The following FAM83F variants were observed in gnomAD, a reference collection of about 807,000 sequenced individuals.
FAM83F encodes protein FAM83F.
In FAM83F, 45 loss-of-function variants were observed where a neutral mutation model predicts 42.9. The observed-to-expected ratio is 1.05, with a 90% CI of 0.83 to 1.35. The LOEUF (loss-of-function observed/expected upper bound fraction) is 1.35, where lower values mean the gene tolerates loss of function less well. Ranked by LOEUF, FAM83F falls within the 40% of genes most tolerant of loss-of-function variation. FAM83F has a pLI of 0.00. For missense variants in FAM83F, 617 were observed against 695.9 expected, an observed-to-expected ratio of 0.89 and a Z score of 1.28; for synonymous variants, 306 against 298.3, an observed-to-expected ratio of 1.03 and a Z score of -0.27.
At chr22:40,017,360 G>A (rs554775741) in intron 1 of FAM83F, among the ~76,000 whole-genome samples, 1 of 151,476 alleles carries the variant, frequency 6.6e-6, no homozygotes, top group South Asian at 2.1e-4. Flanking sequence ...AGCCTCCCCA[G>A]GAGCTGGGAT....
chr22:40,002,293 A>T (rs2067406600), intron 1 of FAM83F, among the ~76,000 whole-genome samples: 1 of 152,210 alleles, frequency 6.6e-6, no homozygotes. Context: ...TAAAGCTTTC[A>T]TTGGAACAAG....
intron 1 of FAM83F, among the ~76,000 whole-genome samples, chr22:39,997,729 C>T (rs184510414): frequency 6.6e-6 from 1 of 152,122 alleles, no homozygotes; most frequent in Middle Eastern, 3.2e-3. Flanking sequence ...AAAGAGCTGT[C>T]GTGGGGGGAG....
intron 4 of FAM83F, 67 bp from the exon 5 acceptor site, chr22:40,029,449 A>T: frequency 6.4e-7 from 1 of 1,554,638 alleles, no homozygotes; most frequent in Non-Finnish European, 8.7e-7. Context: ...ACAGGGTAGG[A>T]ACTGAAGCTG....
rs1275199876 is a variant in FAM83F at position 39,995,876 on chromosome 22, TTGA to T, written c.489+350_489+352del. Among the ~76,000 whole-genome samples, 2 of 152,208 alleles carry T rather than the reference TTGA, an allele frequency of 1.3e-5. No homozygotes were observed. The highest frequency in any genetic ancestry group is 4.8e-5 in the African/African-American group (2 of 41,450). On this transcript the variant is annotated intron_variant, in intron 1 of 4. Transcript: ENST00000333407. The surrounding 1 kb of genome is among the most constrained non-coding windows in gnomAD (Gnocchi z 4.6). The stretch of plus-strand genomic sequence containing the variant: ...GGTTAAAATGCACCACTCAAAGGTC[TTGA>T]TGATAACCTACGTGCTGCCCAGAAC...
chr22:40,021,923 G>T lies in FAM83F; in HGVS notation c.1413G>T (p.Thr471=). The T allele has an allele frequency of 6.3e-7, 1 of 1,581,590 alleles. No homozygotes were observed. Among genetic ancestry groups the T allele is most frequent in the Non-Finnish European group, 8.6e-7 (1 of 1,162,570 alleles). ...AGACCTCTGAAGTGGAGTTTCTGAC[G>T]GGGAAGAGGCCCAACGAGAATTCCA... ...STETSEVEFL[T]GKRPNENSSA... Residue 471 remains threonine (T), a synonymous_variant, in exon 4 of 5, where the codon ACG becomes ACT. Coordinates refer to ENST00000333407, the MANE Select transcript of FAM83F (RefSeq NM_138435.4). The surrounding 1 kb of genome is among the most constrained non-coding windows in gnomAD (Gnocchi z 8.7).
At chr22:40,004,501 C>T (rs577198500) in intron 1 of FAM83F, among the ~76,000 whole-genome samples, 1 of 152,192 alleles carries the variant, frequency 6.6e-6, no homozygotes, top group East Asian at 1.9e-4. Context: ...CGTGGTTTCA[C>T]CATGTTGCCC....
At chr22:39,997,688 G>C (rs530194837) in intron 1 of FAM83F, among the ~76,000 whole-genome samples, 2 of 152,116 alleles carry the variant, frequency 1.3e-5, no homozygotes, top group South Asian at 4.1e-4. Flanking sequence ...TTTTTGCTTC[G>C]AAAAAGCAAG....
At chr22:40,008,413 A>G (rs571148726) in intron 1 of FAM83F, among the ~76,000 whole-genome samples, 1 of 152,328 alleles carries the variant, frequency 6.6e-6, no homozygotes, top group African/African-American at 2.4e-5. Context: ...CAGCAGGACA[A>G]GTACCGCGCT....
intron 1 of FAM83F, among the ~76,000 whole-genome samples, chr22:40,006,333 A>G (rs2067428632): frequency 6.6e-6 from 1 of 151,976 alleles, no homozygotes. Context: ...TCAGCTCCCC[A>G]AGGGAAGCCA....
At position 39,995,289 on chromosome 22, in the gene FAM83F, G is replaced by A. The variant is rs1460172149; in HGVS notation, c.247G>A (p.Ala83Thr). ...PYEDAVPAAN[A>T]RGKSKAKAKA... Reference sequence around the variant, plus strand: ...CGAGGACGCCGTCCCCGCCGCCAACGCCCGGGGCAAGAGCAAGGCCAAGGC... The same window carrying A: ...CGAGGACGCCGTCCCCGCCGCCAACACCCGGGGCAAGAGCAAGGCCAAGGC... Residue 83 changes from alanine (A) to threonine (T), a missense_variant, in exon 1 of 5, where the codon GCC becomes ACC. Coordinates refer to ENST00000333407, the MANE Select transcript of FAM83F (RefSeq NM_138435.4). This position sits in a 1 kb window ranked among gnomAD's most constrained non-coding sequence, Gnocchi z 4.6. 1.3e-6 allele frequency: 2 copies of A among 1,536,454 alleles called. No individual in the cohort carries two copies. The highest frequency in any genetic ancestry group is 1.7e-6 in the Non-Finnish European group (2 of 1,145,780).
chr22:40,002,170 G>A (rs1193323599), intron 1 of FAM83F, among the ~76,000 whole-genome samples: 1 of 152,216 alleles, frequency 6.6e-6, no homozygotes, highest in African/African-American at 2.4e-5. Context: ...GGTCCCCTGA[G>A]GATGTTCCCC....
At chr22:40,000,296 A>G (rs112407661) in intron 1 of FAM83F, among the ~76,000 whole-genome samples, 4 of 152,258 alleles carry the variant, frequency 2.6e-5, no homozygotes, top group South Asian at 4.2e-4. Flanking sequence ...AAGGCTCCAG[A>G]GCAGGAGGCA....
intron 1 of FAM83F, among the ~76,000 whole-genome samples, chr22:40,005,582 G>T (rs1569230259): frequency 6.6e-6 from 1 of 152,242 alleles, no homozygotes. Context: ...CTCCTCTGGA[G>T]AGCCAGCCTG....
rs1282504786 is a variant in FAM83F, at chr22:40,033,588, C to T, written c.*4023C>T. 1 of 152,254 alleles carries T rather than the reference C, an allele frequency of 6.6e-6. No homozygotes were observed. The allele number at this position is 152,254 out of a possible 1,614,324, so 9.4% of individuals were successfully genotyped here. The stretch of plus-strand genomic sequence containing the variant: ...CGTTTAGCAACATCCCTAGCTTCCA[C>T]CTACTAAATGCCACTAGCACTCCTT... On this transcript the variant is annotated 3_prime_UTR_variant, in exon 5 of 5. Transcript: ENST00000333407.
chr22:40,008,203 C>T (rs145835360), intron 1 of FAM83F, among the ~76,000 whole-genome samples: 49 of 152,324 alleles, frequency 3.2e-4, no homozygotes, highest in African/African-American at 1.0e-3. Context: ...CTGCTGGGCA[C>T]GGCATTGAGC....
chr22:40,032,023 C>T lies in FAM83F; in HGVS notation c.*2458C>T, dbSNP rs896982671. ...TCAAATCTCAAGGGTACATCTGGCC[C>T]TCCCAGTTGGATGGCAAGTTCAAGG... is the stretch of plus-strand genomic sequence containing the variant. On this transcript the variant is annotated 3_prime_UTR_variant, in exon 5 of 5. Transcript: ENST00000333407. 5.9e-5 allele frequency: 9 copies of T among 152,354 alleles called. No individual in the cohort carries two copies. Among genetic ancestry groups the T allele is most frequent in the African/African-American group, 2.2e-4 (9 of 41,456 alleles). The allele number at this position is 152,354 out of a possible 1,614,324, so 9.4% of individuals were successfully genotyped here.
At chr22:40,017,288 G>A (rs943582983) in intron 1 of FAM83F, among the ~76,000 whole-genome samples, 2 of 150,140 alleles carry the variant, frequency 1.3e-5, no homozygotes, top group African/African-American at 4.9e-5. Flanking sequence ...GAGTGCAATG[G>A]TACAATCTCG....
chr22:40,010,893 C>T (rs924838782), intron 1 of FAM83F, among the ~76,000 whole-genome samples: 7 of 152,328 alleles, frequency 4.6e-5, no homozygotes, highest in Non-Finnish European at 2.9e-5. Context: ...TGTACCTTCA[C>T]CCTTATACCT....
rs1330390375 is a variant in FAM83F, at chr22:40,036,896, CCTT to C, written c.*7334_*7336del. The C allele has an allele frequency of 6.6e-6, 1 of 152,280 alleles. No individual in the cohort carries two copies. Among genetic ancestry groups the C allele is most frequent in the Admixed American group, 6.5e-5 (1 of 15,292 alleles). The allele number at this position is 152,280 out of a possible 1,614,324, so 9.4% of individuals were successfully genotyped here. A position where few individuals can be genotyped will look rare whatever the true frequency, so the allele number is the denominator to read the frequency against. On this transcript the variant is annotated 3_prime_UTR_variant, in exon 5 of 5. Transcript: ENST00000333407. ...CGGCCAAAGCAGGGATCTGCAAGCT[CCTT>C]CTGTGGCGGGCCAAAAAGTGAACAT...
Sources: gnomAD v4.1 joint callset for allele counts (sites outside exome capture counted in the v4.1 genomes callset) on GRCh38, gnomAD v4.1.1 for gene constraint, Gnocchi (gnomAD v3.1) non-coding constraint, MANE v1.5 for transcripts, NCBI Gene and HGNC (gene_info 2026-07-23, HGNC 2026-07-21) for gene names.